EXTL1: variants seen among roughly 807,000 people sequenced by gnomAD.
EXTL1 encodes exostosin-like 1.
A neutral mutation model predicts 64.6 loss-of-function variants in EXTL1; 43 were observed. The observed-to-expected ratio is 0.67, with a 90% CI of 0.52 to 0.86. The LOEUF is 0.86. Ranked by LOEUF, EXTL1 falls within the 40% of genes least tolerant of loss-of-function variation. EXTL1 has a pLI of 0.00. For missense variants in EXTL1, 766 were observed against 879.0 expected (o/e 0.87, Z 1.62); for synonymous variants, 352 against 360.5 (o/e 0.98, Z 0.27).
rs561203033 is a variant in EXTL1, at chr1:26,029,681, G to A, written c.955G>A (p.Val319Ile). 1.4e-5 allele frequency: 23 copies of A among 1,611,974 alleles called. No homozygotes were observed. Among genetic ancestry groups the A allele is most frequent in the South Asian group, 1.3e-4 (12 of 90,638 alleles). Residue 319 changes from valine (V) to isoleucine (I), a missense_variant, in exon 3 of 11, where the codon GTA becomes ATA. By Grantham distance (29) the Val-to-Ile change is conservative. Coordinates refer to ENST00000374280, the MANE Select transcript of EXTL1 (RefSeq NM_004455.3). ...EVIDWTKAAI[V>I]ADERLPLQVL... Reference sequence around the variant, plus strand: ...CATCGACTGGACCAAGGCAGCCATCGTAGCTGATGAGAGGCTCCCACTTCA... The same window carrying A: ...CATCGACTGGACCAAGGCAGCCATCATAGCTGATGAGAGGCTCCCACTTCA...
chr1:26,030,329 T>G (rs905998881), intron 3 of EXTL1, 147 bp from the exon 4 acceptor site: 29 of 699,564 alleles, frequency 4.1e-5, no homozygotes, highest in South Asian at 7.4e-5. Context: ...CCTGAATGCT[T>G]CTTTTTTTTT....
chr1:26,023,999 A>G (rs2050185596), intron 1 of EXTL1, among the ~76,000 whole-genome samples: 1 of 152,194 alleles, frequency 6.6e-6, no homozygotes, highest in South Asian at 2.1e-4. Flanking sequence ...CACAGCTGGA[A>G]GCTGCTCCCG....
chr1:26,034,801 G>T lies in EXTL1; in HGVS notation c.1680-35G>T, dbSNP rs757193865. The T allele has an allele frequency of 1.9e-6, 3 of 1,599,106 alleles. No individual in the cohort carries two copies. The South Asian group carries it at 3.3e-5, about 18-fold the overall frequency. The stretch of plus-strand genomic sequence containing the variant: ...AGAATGGGGCCTGGGGATGGATTTG[G>T]CTGCAGCCTCTCCCTGTCTTTTCCT... On this transcript the variant is annotated intron_variant, in intron 9 of 10. Transcript: ENST00000374280. This position sits in a 1 kb window ranked among gnomAD's most constrained non-coding sequence, Gnocchi z 4.6.
rs752502364 is a variant in EXTL1, at chr1:26,029,143, G to T, written c.780-50G>T. The T allele has an allele frequency of 7.8e-6, 11 of 1,417,218 alleles. No individual in the cohort carries two copies. The East Asian group carries it at 2.3e-4, about 30-fold the overall frequency. The allele number at this position is 1,417,218 out of a possible 1,614,324, so 87.8% of individuals were successfully genotyped here. A position where few individuals can be genotyped will look rare whatever the true frequency, so the allele number is the denominator to read the frequency against. On this transcript the variant is annotated intron_variant, in intron 1 of 10. Coordinates refer to ENST00000374280, the MANE Select transcript of EXTL1 (RefSeq NM_004455.3). ...CATTGAGGGAGCCCAGGGGGCGAAG[G>T]TCACTGTCCAGGCTCATGTGTGGTG...
Position 26,035,279 on chromosome 1 carries a change from G to A in EXTL1, c.1963G>A (p.Asp655Asn). 4.3e-6 allele frequency: 7 copies of A among 1,613,634 alleles called. No individual in the cohort carries two copies. Among genetic ancestry groups the A allele is most frequent in the Non-Finnish European group, 5.9e-6 (7 of 1,179,934 alleles). Residue 655 changes from aspartate to asparagine, a missense_variant, in exon 11 of 11, where the codon GAC (aspartate) becomes AAC (asparagine). Around this residue, in one of 3 missense-constraint regions of EXTL1, gnomAD observed 194 missense variants for 214.5 expected, o/e 0.90. Coordinates refer to ENST00000374280, the MANE Select transcript of EXTL1 (RefSeq NM_004455.3). This position sits in a 1 kb window ranked among gnomAD's most constrained non-coding sequence, Gnocchi z 5.3. Reference protein sequence around the residue: ...MPLLSSRLRLDPVLFKDPVSV... With the variant: ...MPLLSSRLRLNPVLFKDPVSV... ...CTTGCTGTCCTCTCGTCTGCGTCTGGACCCGGTGCTGTTTAAGGACCCGGT... is the reference window on the plus strand; with the variant it reads ...CTTGCTGTCCTCTCGTCTGCGTCTGAACCCGGTGCTGTTTAAGGACCCGGT...
chr1:26,035,480 C>T lies in EXTL1; in HGVS notation c.*133C>T, dbSNP rs377334479. On this transcript the variant is annotated 3_prime_UTR_variant, in exon 11 of 11. Transcript: ENST00000374280. This position sits in a 1 kb window ranked among gnomAD's most constrained non-coding sequence, Gnocchi z 5.3. ...GCCAGCGGGCCCACACGTCGGACCC[C>T]GGTTGGCCAATCACAACAGGGGGGC... The T allele has an allele frequency of 1.4e-5, 11 of 804,124 alleles. No individual in the cohort carries two copies. The highest frequency in any genetic ancestry group is 3.9e-4 in the Middle Eastern group (1 of 2,578). The allele number at this position is 804,124 out of a possible 1,614,324, so 49.8% of individuals were successfully genotyped here.
rs752912736 is a variant in EXTL1 at position 26,031,085 on chromosome 1, A to C, written c.1102-47A>C. ...AGAGCCTGGAAGGGGAGGTGTGGCC[A>C]TGGTCACACAGGCCACTCGCTCTGC... On this transcript the variant is annotated intron_variant, in intron 4 of 10. Coordinates refer to ENST00000374280, the MANE Select transcript of EXTL1 (RefSeq NM_004455.3). 4.3e-6 allele frequency: 7 copies of C among 1,612,084 alleles called. No homozygotes were observed. The East Asian group carries it at 1.3e-4, about 31-fold the overall frequency.
rs1347021239 is a variant in EXTL1 at position 26,023,079 on chromosome 1, G to C, written c.433G>C (p.Glu145Gln). 1.9e-6 allele frequency: 3 copies of C among 1,613,728 alleles called. No individual in the cohort carries two copies. The highest frequency in any genetic ancestry group is 2.5e-6 in the Non-Finnish European group (3 of 1,179,846). The change falls in exon 1 of 11, where the codon GAG becomes CAG. Residue 145 changes from glutamate (E) to glutamine (Q), a missense_variant. Glu to Gln is a conservative substitution (Grantham distance 29). This residue lies in a region of EXTL1 where 571 missense variants were observed against 647.6 expected (regional missense o/e 0.88). Transcript: ENST00000374280. ...CCTCAGCCTGGACGCCCAGACTGGAGAGTGCAGCTCAATGCCTCTGCAATG... is the reference window on the plus strand; with the variant it reads ...CCTCAGCCTGGACGCCCAGACTGGACAGTGCAGCTCAATGCCTCTGCAATG... ...LLLSLDAQTG[E>Q]CSSMPLQWNR...
In EXTL1 at chr1:26,025,635, T is replaced by G. The variant is rs907797946; in HGVS notation, c.779+2210T>G. 6.6e-6 allele frequency among the ~76,000 whole-genome samples: 1 copy of G among 152,210 alleles called. No homozygotes were observed. Among genetic ancestry groups the G allele is most frequent in the Non-Finnish European group, 1.5e-5 (1 of 68,040 alleles). ...AAATCTCCACCCATTCAAATTGTTA[T>G]TTATTCATTTTTATGAATAGGTAAT... On this transcript the variant is annotated intron_variant, in intron 1 of 10. Transcript: ENST00000374280. This position sits in a 1 kb window ranked among gnomAD's most constrained non-coding sequence, Gnocchi z 5.3.
intron 1 of EXTL1, among the ~76,000 whole-genome samples, chr1:26,026,825 A>G (rs764496673): frequency 6.6e-6 from 1 of 152,126 alleles, no homozygotes; most frequent in Non-Finnish European, 1.5e-5. Flanking sequence ...GGTACCTTAC[A>G]TGGTCACAGA....
chr1:26,024,067 A>G (rs1277823700), intron 1 of EXTL1, among the ~76,000 whole-genome samples: 1 of 152,250 alleles, frequency 6.6e-6, no homozygotes, highest in African/African-American at 2.4e-5. Context: ...AGCAAATATG[A>G]CGCAGGTCAG....
chr1:26,024,154 G>A (rs540539968), intron 1 of EXTL1, among the ~76,000 whole-genome samples: 2 of 152,304 alleles, frequency 1.3e-5, no homozygotes, highest in East Asian at 1.9e-4. Context: ...TGGTGAGCTT[G>A]TACAGAAACT....
At chr1:26,024,398 G>A (rs1456139864) in intron 1 of EXTL1, among the ~76,000 whole-genome samples, 1 of 152,064 alleles carries the variant, frequency 6.6e-6, no homozygotes, top group African/African-American at 2.4e-5. Context: ...TCCTCCTTTT[G>A]CTCCTCCCTC....
In EXTL1 at chr1:26,033,443, AC is replaced by A; in HGVS notation, c.1518+132del. On this transcript the variant is annotated intron_variant, in intron 8 of 10. Transcript: ENST00000374280. This position sits in a 1 kb window ranked among gnomAD's most constrained non-coding sequence, Gnocchi z 5.1. The stretch of plus-strand genomic sequence containing the variant: ...GGTCCAGCCTCTTGCATTTGAAACC[AC>A]CCCAGCAAGCCAGGCAGCCTCCTCT... 1.2e-6 allele frequency: 1 copy of A among 825,854 alleles called. No homozygotes were observed. The highest frequency in any genetic ancestry group is 2.0e-6 in the Non-Finnish European group (1 of 502,170). The allele number at this position is 825,854 out of a possible 1,614,324, so 51.2% of individuals were successfully genotyped here. A position where few individuals can be genotyped will look rare whatever the true frequency, so the allele number is the denominator to read the frequency against.
At position 26,033,186 on chromosome 1, in the gene EXTL1, G is replaced by C; in HGVS notation, c.1432-43G>C. ...TCCTACTTATTGGATGGGGGTGGGG[G>C]GAATGTTCCAATGGCTGAGTTCCCC... is the stretch of plus-strand genomic sequence containing the variant. On this transcript the variant is annotated intron_variant, in intron 7 of 10. Coordinates refer to ENST00000374280, the MANE Select transcript of EXTL1 (RefSeq NM_004455.3). The surrounding 1 kb of genome is among the most constrained non-coding windows in gnomAD (Gnocchi z 5.1). 1 of 1,362,778 alleles carries C rather than the reference G, an allele frequency of 7.3e-7. No individual in the cohort carries two copies. Among genetic ancestry groups the C allele is most frequent in the Non-Finnish European group, 1.1e-6 (1 of 951,494 alleles). 84.4% of individuals were successfully genotyped at this position (1,362,778 alleles called of 1,614,324 possible).
At position 26,022,828 on chromosome 1, in the gene EXTL1, C is replaced by T. The variant is rs2050167258; in HGVS notation, c.182C>T (p.Pro61Leu). 5 of 1,614,056 alleles carry T rather than the reference C, an allele frequency of 3.1e-6. No individual in the cohort carries two copies. Among genetic ancestry groups the T allele is most frequent in the Non-Finnish European group, 4.2e-6 (5 of 1,179,976 alleles). ...DAELLQSFSQ[P>L]GELPEDAVSP... ...GAGCTCCTGCAGAGCTTCTCCCAGC[C>T]TGGAGAGCTCCCAGAAGATGCCGTT... The change falls in exon 1 of 11, where the codon CCT (proline) becomes CTT (leucine). Residue 61 changes from proline to leucine, a missense_variant. By Grantham distance (98) the Pro-to-Leu change is moderately conservative. Around this residue, in one of 3 missense-constraint regions of EXTL1, gnomAD observed 571 missense variants for 647.6 expected, o/e 0.88. Transcript: ENST00000374280.
Position 26,030,524 on chromosome 1 carries a change from C to A in EXTL1, c.1030C>A (p.Arg344Ser), listed in dbSNP as rs375730801. The A allele has an allele frequency of 3.7e-6, 6 of 1,613,372 alleles. No individual in the cohort carries two copies. The highest frequency in any genetic ancestry group is 5.1e-6 in the Non-Finnish European group (6 of 1,179,880). ...EMSPARVLAL[R>S]QQTQFLWDAY... The stretch of plus-strand genomic sequence containing the variant: ...GTCCCCTGCACGGGTCCTCGCCCTG[C>A]GTCAGCAGACCCAGTTTCTATGGGA... Residue 344 changes from arginine (R) to serine (S), a missense_variant, in exon 4 of 11, where the codon CGT becomes AGT. This residue lies in a region of EXTL1 where 571 missense variants were observed against 647.6 expected (regional missense o/e 0.88). Transcript: ENST00000374280.
Position 26,031,476 on chromosome 1 carries a change from C to T in EXTL1, c.1251C>T (p.Gly417=). ...YYLQQGSRPE[G]RFSALIWVGP... ...TTCCCCCAGGCTCCCGCCCTGAGGG[C>T]AGATTCAGCGCCCTGATCTGGGTGG... The change falls in exon 6 of 11, where the codon GGC becomes GGT. Residue 417 remains glycine (G), a synonymous_variant. Coordinates refer to ENST00000374280, the MANE Select transcript of EXTL1 (RefSeq NM_004455.3). The T allele has an allele frequency of 6.3e-7, 1 of 1,584,772 alleles. No individual in the cohort carries two copies. The highest frequency in any genetic ancestry group is 2.3e-5 in the East Asian group (1 of 43,800).
At position 26,025,096 on chromosome 1, in the gene EXTL1, C is replaced by T. The variant is rs1028544511; in HGVS notation, c.779+1671C>T. Among the ~76,000 whole-genome samples, 9 of 152,218 alleles carry T rather than the reference C, an allele frequency of 5.9e-5. No homozygotes were observed. Among genetic ancestry groups the T allele is most frequent in the Non-Finnish European group, 1.2e-4 (8 of 68,036 alleles). ...ACCTTCAAGTTTTGTCTTTGGCCTC[C>T]GCCTCCCTGAAGGTGACAGGACTTG... On this transcript the variant is annotated intron_variant, in intron 1 of 10. Coordinates refer to ENST00000374280, the MANE Select transcript of EXTL1 (RefSeq NM_004455.3). This position sits in a 1 kb window ranked among gnomAD's most constrained non-coding sequence, Gnocchi z 5.3.
Sources: allele counts gnomAD v4.1 joint callset (sites outside exome capture counted in the v4.1 genomes callset), GRCh38; gene constraint gnomAD v4.1.1; regional missense constraint gnomAD v4.1.1; non-coding constraint Gnocchi (gnomAD v3.1); transcripts MANE v1.5; gene names NCBI Gene and HGNC (gene_info 2026-07-23, HGNC 2026-07-21).